Variants in KCNIP4 observed in about 807,000 individuals in gnomAD.
KCNIP4 encodes potassium voltage-gated channel interacting protein 4.
KCNIP4 carries 12 observed loss-of-function variants against 34.0 expected under a neutral mutation model. The observed-to-expected ratio is 0.35, with a 90% CI of 0.23 to 0.57. The LOEUF (loss-of-function observed/expected upper bound fraction) is 0.57. Among genes scored for constraint, KCNIP4 ranks in the 20% least tolerant of loss-of-function variants. The pLI, the probability that KCNIP4 is intolerant of heterozygous loss-of-function variation, is 0.83. For synonymous variants in KCNIP4, 124 were observed against 102.2 expected, an observed-to-expected ratio of 1.21 and a Z score of -1.29; for missense variants, 238 against 311.7, an observed-to-expected ratio of 0.76 and a Z score of 1.78.
At chr4:21,090,484 T>C (rs915266664) in intron 1 of KCNIP4, among the ~76,000 whole-genome samples, 21 of 152,232 alleles carry the variant, frequency 1.4e-4, no homozygotes, top group Non-Finnish European at 1.5e-5. Context: ...CATAACCATG[T>C]GTGTTCTCAC....
chr4:21,320,963 T>TCAAAAAAAAAAAAAAAAAAAAAAAAA, intron 1 of KCNIP4, among the ~76,000 whole-genome samples: 1 of 74,780 alleles, frequency 1.3e-5, no homozygotes, highest in South Asian at 5.6e-4. Context: ...AGAATCTGTC[T>TCAAAAAAAAAAAAAAAAAAAAAAAAA]TAAAAAAAAA....
chr4:21,687,460 T>C (rs1448823488), intron 1 of KCNIP4, among the ~76,000 whole-genome samples: 1 of 152,184 alleles, frequency 6.6e-6, no homozygotes, highest in Admixed American at 6.5e-5. Context: ...TTCCAATGAC[T>C]ATGTAATGAA....
intron 1 of KCNIP4, among the ~76,000 whole-genome samples, chr4:21,418,007 C>A (rs1264416077): frequency 6.6e-6 from 1 of 152,074 alleles, no homozygotes. Flanking sequence ...GTTTTGGGGG[C>A]CTCCATGCAG....
intron 3 of KCNIP4, among the ~76,000 whole-genome samples, chr4:20,828,376 G>A (rs1288599466): frequency 1.3e-5 from 2 of 152,160 alleles, no homozygotes; most frequent in Non-Finnish European, 2.9e-5. Flanking sequence ...GCAGTGACCC[G>A]AGATCGTGCC....
intron 3 of KCNIP4, among the ~76,000 whole-genome samples, chr4:20,800,441 G>A (rs1714082111): frequency 6.6e-6 from 1 of 152,056 alleles, no homozygotes; most frequent in Non-Finnish European, 1.5e-5. Context: ...CCAATGAAAT[G>A]GAAATTTACA....
At chr4:21,240,387 G>C (rs1176497118) in intron 1 of KCNIP4, among the ~76,000 whole-genome samples, 2 of 151,740 alleles carry the variant, frequency 1.3e-5, no homozygotes, top group Non-Finnish European at 2.9e-5. Flanking sequence ...ATAATAAAAT[G>C]AAAAAATTTA....
chr4:21,299,807 A>G (rs1003662296), intron 1 of KCNIP4, among the ~76,000 whole-genome samples: 15 of 152,300 alleles, frequency 9.8e-5, no homozygotes, highest in Admixed American at 4.6e-4. Flanking sequence ...ACTTCTGTCA[A>G]CAGCACAGCA....
chr4:20,941,914 A>G (rs1256429160), intron 1 of KCNIP4, among the ~76,000 whole-genome samples: 1 of 152,174 alleles, frequency 6.6e-6, no homozygotes, highest in African/African-American at 2.4e-5. Flanking sequence ...ACCTGACCCT[A>G]GGCAGATTTG....
At chr4:21,936,978 T>A (rs1041729026) in intron 1 of KCNIP4, among the ~76,000 whole-genome samples, 1 of 152,058 alleles carries the variant, frequency 6.6e-6, no homozygotes, top group African/African-American at 2.4e-5. Flanking sequence ...CTATTCCTTA[T>A]CCAGTTCATG....
chr4:21,467,566 G>A (rs968290110), intron 1 of KCNIP4, among the ~76,000 whole-genome samples: 3 of 152,092 alleles, frequency 2.0e-5, no homozygotes, highest in Non-Finnish European at 2.9e-5. Flanking sequence ...AAGGAAGGAA[G>A]CAACAAAAGG....
chr4:21,298,285 T>C (rs1046830030), intron 1 of KCNIP4, among the ~76,000 whole-genome samples: 3 of 152,164 alleles, frequency 2.0e-5, no homozygotes, highest in African/African-American at 7.2e-5. Context: ...GTGTGTTTTC[T>C]GTTGATGACC....
intron 1 of KCNIP4, among the ~76,000 whole-genome samples, chr4:21,082,833 C>T (rs1746112836): frequency 6.6e-6 from 1 of 151,552 alleles, no homozygotes; most frequent in African/African-American, 2.4e-5. Flanking sequence ...ATGTGGTGCT[C>T]CAAACTATGT....
chr4:21,147,156 A>G (rs1752416059), intron 1 of KCNIP4, among the ~76,000 whole-genome samples: 1 of 152,042 alleles, frequency 6.6e-6, no homozygotes, highest in Admixed American at 6.6e-5. Flanking sequence ...GGTATTCAAG[A>G]TCCCTCCCTG....
At chr4:21,048,764 A>G (rs1742651289) in intron 1 of KCNIP4, among the ~76,000 whole-genome samples, 1 of 152,094 alleles carries the variant, frequency 6.6e-6, no homozygotes, top group Non-Finnish European at 1.5e-5. Flanking sequence ...AATACGGCAG[A>G]AGTGACACTA....
At chr4:20,859,661 C>T (rs965050080) in intron 2 of KCNIP4, among the ~76,000 whole-genome samples, 1 of 152,096 alleles carries the variant, frequency 6.6e-6, no homozygotes, top group Non-Finnish European at 1.5e-5. Context: ...TAAAAATAGT[C>T]ATCGTTCTCC....
chr4:20,758,967 ACTGT>A (rs1386806066), intron 3 of KCNIP4, 77 bp from the exon 4 acceptor site: 13 of 1,102,960 alleles, frequency 1.2e-5, no homozygotes, highest in East Asian at 2.4e-5. Flanking sequence ...TTGAAACAGA[ACTGT>A]CTACCATGCA....
rs1368583208 is a variant in KCNIP4, at chr4:21,853,981, G to A, written c.61+94590C>T. Among the ~76,000 whole-genome samples the A allele has an allele frequency of 8.5e-5, 13 of 152,222 alleles. No individual in the cohort carries two copies. In the East Asian group the frequency reaches 1.2e-3, roughly 14 times the overall value. ...AGACGATAGAAGAACCATATGACCC[G>A]GGAATGGTAATAAGTTCAGTGATCA... On this transcript the variant is annotated intron_variant, in intron 1 of 8. Transcript: ENST00000382152.
At chr4:21,833,111 T>C (rs62301384) in intron 1 of KCNIP4, among the ~76,000 whole-genome samples, 53,977 of 149,988 alleles carry the variant, frequency 0.36, 11,052 homozygotes, top group East Asian at 0.64. Context: ...TACCTAGTAA[T>C]GGGATGGCTG....
At chr4:21,603,625 T>A (rs1427940653) in intron 1 of KCNIP4, among the ~76,000 whole-genome samples, 1 of 152,082 alleles carries the variant, frequency 6.6e-6, no homozygotes, top group Non-Finnish European at 1.5e-5. Flanking sequence ...CAACTTCTGT[T>A]ATTTGGAAAG....
Sources: allele counts gnomAD v4.1 joint callset (sites outside exome capture counted in the v4.1 genomes callset), GRCh38; gene constraint gnomAD v4.1.1; transcripts MANE v1.5; gene names NCBI Gene and HGNC (gene_info 2026-07-23, HGNC 2026-07-21).